Variants in PTPRD observed in about 807,000 individuals in gnomAD.
PTPRD encodes the protein receptor-type tyrosine-protein phosphatase delta.
In PTPRD, 34 loss-of-function variants were observed where a neutral mutation model predicts 214.5. The observed-to-expected ratio is 0.16, with a 90% CI of 0.12 to 0.21. The LOEUF is 0.21. PTPRD is among the 10% of genes least tolerant of loss of function. PTPRD has a pLI of 1.00. For missense variants in PTPRD, 2,545 were observed against 2,398.7 expected (o/e 1.06, Z -1.27); for synonymous variants, 1,128 against 845.7 (o/e 1.33, Z -5.79).
intron 8 of PTPRD, among the ~76,000 whole-genome samples, chr9:9,443,653 T>TCAGCTGACCCAGC (rs1393643304): frequency 1.3e-5 from 2 of 152,052 alleles, no homozygotes; most frequent in African/African-American, 4.8e-5. Flanking sequence ...AGGGGGTAGC[T>TCAGCTGACCCAGC]CAGCTGACCC....
chr9:9,219,148 T>G (rs1482967433), intron 9 of PTPRD, among the ~76,000 whole-genome samples: 1 of 152,118 alleles, frequency 6.6e-6, no homozygotes, highest in Non-Finnish European at 1.5e-5. Flanking sequence ...GTACAGATAT[T>G]TAAATATTGG....
At chr9:10,428,859 C>T (rs765512530) in intron 2 of PTPRD, among the ~76,000 whole-genome samples, 4 of 151,928 alleles carry the variant, frequency 2.6e-5, no homozygotes, top group Non-Finnish European at 5.9e-5. Flanking sequence ...GCCTGGCATA[C>T]ATGTAACAGC....
chr9:9,947,322 A>G (rs1161499041), intron 4 of PTPRD, among the ~76,000 whole-genome samples: 2 of 87,930 alleles, frequency 2.3e-5, no homozygotes, highest in African/African-American at 1.0e-4. Flanking sequence ...TATATTATAT[A>G]TATTATATAT....
At chr9:9,487,509 C>T (rs183796953) in intron 8 of PTPRD, among the ~76,000 whole-genome samples, 2 of 151,978 alleles carry the variant, frequency 1.3e-5, no homozygotes, top group East Asian at 3.9e-4. Flanking sequence ...TGAATAGTGC[C>T]GCAATAAACA....
intron 6 of PTPRD, among the ~76,000 whole-genome samples, chr9:9,753,462 G>A (rs892304840): frequency 1.3e-5 from 2 of 152,012 alleles, no homozygotes; most frequent in African/African-American, 4.8e-5. Flanking sequence ...GCTAAAGCAC[G>A]CAAGGCTAAT....
At chr9:8,320,013 C>G (rs1587310931) in intron 44 of PTPRD, 47 bp from the exon 45 acceptor site, 1 of 1,597,158 alleles carries the variant, frequency 6.3e-7, no homozygotes, top group East Asian at 2.2e-5. Flanking sequence ...TGTTCACAGT[C>G]TTGGCCACAT....
rs779044077 is a variant in PTPRD, at chr9:10,612,221, A to AAAAG, written c.-600+173_-600+176dup. Among the ~76,000 whole-genome samples the AAAAG allele has an allele frequency of 4.3e-4, 65 of 151,874 alleles. 2 individuals carry two copies. Among genetic ancestry groups the AAAAG allele is most frequent in the Admixed American group, 3.4e-3 (52 of 15,258 alleles). ...TAAGGGCTCTTCCAAAAAAAAAAAA[A>AAAAG]AAAGAAAAAAATGCTTAGCGAACCA... On this transcript the variant is annotated intron_variant, in intron 2 of 45. Coordinates refer to ENST00000381196, the MANE Select transcript of PTPRD (RefSeq NM_002839.4).
chr9:10,422,495 A>C (rs918307637), intron 2 of PTPRD, among the ~76,000 whole-genome samples: 2 of 152,110 alleles, frequency 1.3e-5, no homozygotes, highest in Non-Finnish European at 2.9e-5. Context: ...ACACAGCAAA[A>C]GAAACTACCA....
At chr9:9,775,540 A>G (rs2098790810) in intron 5 of PTPRD, among the ~76,000 whole-genome samples, 2 of 152,244 alleles carry the variant, frequency 1.3e-5, no homozygotes. Flanking sequence ...AGAGTAGTAG[A>G]TAAAAGATTC....
chr9:10,604,143 A>T (rs2078676754), intron 2 of PTPRD, among the ~76,000 whole-genome samples: 1 of 150,498 alleles, frequency 6.6e-6, no homozygotes, highest in Non-Finnish European at 1.5e-5. Context: ...AGGAAAGAAA[A>T]GCCTGCCATG....
At chr9:10,497,856 T>C (rs186960426) in intron 2 of PTPRD, among the ~76,000 whole-genome samples, 2 of 152,138 alleles carry the variant, frequency 1.3e-5, no homozygotes, top group Admixed American at 6.6e-5. Flanking sequence ...CTTCTGACTA[T>C]AAAAAACAGT....
chr9:8,990,521 C>T lies in PTPRD; in HGVS notation c.-104+28176G>A, dbSNP rs139508460. 3.8e-4 allele frequency among the ~76,000 whole-genome samples: 58 copies of T among 152,290 alleles called. 1 individual carries two copies. Among genetic ancestry groups the T allele is most frequent in the Non-Finnish European group, 3.1e-4 (21 of 68,028 alleles). On this transcript the variant is annotated intron_variant, in intron 11 of 45. Coordinates refer to ENST00000381196, the MANE Select transcript of PTPRD (RefSeq NM_002839.4). Reference sequence around the variant, plus strand: ...AGAAGCTCTTTCTCTCTGACCCTCCCCTGCCCTCCTGTCCCTGGCCCCTCA... The same window carrying T: ...AGAAGCTCTTTCTCTCTGACCCTCCTCTGCCCTCCTGTCCCTGGCCCCTCA...
intron 8 of PTPRD, among the ~76,000 whole-genome samples, chr9:9,535,195 G>C (rs189874360): frequency 1.3e-5 from 2 of 152,076 alleles, no homozygotes; most frequent in Non-Finnish European, 2.9e-5. Context: ...TTCCCCCAGA[G>C]AGACGAGACT....
At chr9:9,911,309 T>C (rs2079114240) in intron 5 of PTPRD, among the ~76,000 whole-genome samples, 1 of 152,094 alleles carries the variant, frequency 6.6e-6, no homozygotes, top group African/African-American at 2.4e-5. Flanking sequence ...CAAGAACTCT[T>C]ACTTAGAGTC....
At chr9:8,637,944 A>C (rs564853835) in intron 12 of PTPRD, among the ~76,000 whole-genome samples, 140 of 152,292 alleles carry the variant, frequency 9.2e-4, no homozygotes, top group African/African-American at 2.5e-3. Flanking sequence ...CACACACACA[A>C]AGATTGAACA....
intron 5 of PTPRD, among the ~76,000 whole-genome samples, chr9:9,836,309 TG>T (rs1359340046): frequency 6.6e-6 from 1 of 152,146 alleles, no homozygotes; most frequent in African/African-American, 2.4e-5. Flanking sequence ...TTTAATATCA[TG>T]TAGACAATAT....
rs563643022 is a variant in PTPRD at position 10,251,163 on chromosome 9, A to C, written c.-545+89800T>G. The stretch of plus-strand genomic sequence containing the variant: ...ATTAATTAAATAACATGTTCAATTG[A>C]TTAAATAACATGCTCAAAACAGTCT... On this transcript the variant is annotated intron_variant, in intron 3 of 45. Transcript: ENST00000381196. Among the ~76,000 whole-genome samples, 31 of 152,284 alleles carry C rather than the reference A, an allele frequency of 2.0e-4. No individual in the cohort carries two copies. In the South Asian group the frequency reaches 6.2e-3, roughly 31 times the overall value.
intron 39 of PTPRD, among the ~76,000 whole-genome samples, chr9:8,372,967 A>G (rs1437475614): frequency 6.6e-6 from 1 of 152,014 alleles, no homozygotes; most frequent in Non-Finnish European, 1.5e-5. Context: ...CTTCTTTAAT[A>G]TAGAAAAAAA....
chr9:10,186,168 C>G (rs1331947468), intron 3 of PTPRD, among the ~76,000 whole-genome samples: 1 of 151,814 alleles, frequency 6.6e-6, no homozygotes, highest in Admixed American at 6.6e-5. Context: ...ACTATTGGAT[C>G]AACGTTTTTG....
Sources: allele counts gnomAD v4.1 joint callset (sites outside exome capture counted in the v4.1 genomes callset), GRCh38; gene constraint gnomAD v4.1.1; transcripts MANE v1.5; gene names NCBI Gene and HGNC (gene_info 2026-07-23, HGNC 2026-07-21).